MYO1E: variants seen among roughly 807,000 people sequenced by gnomAD.
MYO1E encodes the protein unconventional myosin-Ie.
MYO1E carries 68 observed loss-of-function variants against 151.1 expected under a neutral mutation model. The ratio of observed to expected loss-of-function variants is 0.45; its 90% CI spans 0.37 to 0.55. The LOEUF (loss-of-function observed/expected upper bound fraction) is 0.55. Ranked by LOEUF, MYO1E falls within the 20% of genes least tolerant of loss-of-function variation. The pLI is 0.00. For missense variants in MYO1E, 1,363 were observed against 1,389.3 expected (o/e 0.98, Z 0.30); for synonymous variants, 601 against 501.7 (o/e 1.20, Z -2.64).
intron 9 of MYO1E, chr15:59,218,375 C>T (rs1323165463): frequency 1.8e-6 from 1 of 544,448 alleles, no homozygotes; most frequent in Non-Finnish European, 3.5e-6. Flanking sequence ...AAACCTATCC[C>T]TCCTACTGAG....
intron 26 of MYO1E, among the ~76,000 whole-genome samples, chr15:59,151,049 A>ACACACG (rs375186279): frequency 7.7e-6 from 1 of 129,558 alleles, no homozygotes; most frequent in African/African-American, 2.9e-5. Flanking sequence ...ACACACACAC[A>ACACACG]CGCGCGCGCG....
intron 23 of MYO1E, among the ~76,000 whole-genome samples, chr15:59,162,596 A>G (rs1476364153): frequency 6.6e-6 from 1 of 151,234 alleles, no homozygotes; most frequent in African/African-American, 2.4e-5. Flanking sequence ...CAGTGAGCCA[A>G]GGTCGCACCA....
At chr15:59,297,043 A>T (rs79329545) in intron 1 of MYO1E, among the ~76,000 whole-genome samples, 1 of 64,408 alleles carries the variant, frequency 1.6e-5, no homozygotes, top group Non-Finnish European at 3.4e-5. Context: ...TTGTAGAGAC[A>T]GAGTTTCACT....
chr15:59,229,114 A>C (rs2080010142), intron 6 of MYO1E, among the ~76,000 whole-genome samples: 1 of 152,200 alleles, frequency 6.6e-6, no homozygotes, highest in Non-Finnish European at 1.5e-5. Context: ...GATAGAGGGA[A>C]TACTTCAGTG....
intron 26 of MYO1E, among the ~76,000 whole-genome samples, chr15:59,147,626 AAAAG>A (rs1321645396): frequency 1.3e-5 from 2 of 150,122 alleles, no homozygotes; most frequent in African/African-American, 2.4e-5. Flanking sequence ...CAATACAAAA[AAAAG>A]AAAGGAAGAG....
At chr15:59,156,162 A>G (rs947253593) in intron 25 of MYO1E, among the ~76,000 whole-genome samples, 2 of 152,046 alleles carry the variant, frequency 1.3e-5, no homozygotes, top group Admixed American at 1.3e-4. Flanking sequence ...ATGTCCAGCT[A>G]ATTTTTATTT....
chr15:59,150,515 A>T (rs1286320447), intron 26 of MYO1E, among the ~76,000 whole-genome samples: 5 of 152,254 alleles, frequency 3.3e-5, no homozygotes, highest in Non-Finnish European at 5.9e-5. Flanking sequence ...GGCAGCTAGC[A>T]CACAGAGCTA....
chr15:59,247,257 G>A (rs1167166705), intron 4 of MYO1E, among the ~76,000 whole-genome samples: 2 of 152,154 alleles, frequency 1.3e-5, no homozygotes, highest in Non-Finnish European at 2.9e-5. Flanking sequence ...TTAATCCTAG[G>A]AGCTCAAGTC....
chr15:59,309,978 T>C (rs973448607), intron 1 of MYO1E, among the ~76,000 whole-genome samples: 1 of 152,094 alleles, frequency 6.6e-6, no homozygotes, highest in African/African-American at 2.4e-5. Context: ...CCTCGACTAC[T>C]CCCCTTTCCT....
At chr15:59,309,385 T>C (rs1339278337) in intron 1 of MYO1E, among the ~76,000 whole-genome samples, 1 of 152,146 alleles carries the variant, frequency 6.6e-6, no homozygotes, top group African/African-American at 2.4e-5. Flanking sequence ...CAAACAGGAC[T>C]TGAATTTTCT....
At chr15:59,358,049 A>G (rs1447499821) in intron 1 of MYO1E, among the ~76,000 whole-genome samples, 1 of 152,200 alleles carries the variant, frequency 6.6e-6, no homozygotes, top group Non-Finnish European at 1.5e-5. Flanking sequence ...TGACACTTAA[A>G]TACAACTGCT....
intron 1 of MYO1E, among the ~76,000 whole-genome samples, chr15:59,290,568 A>C (rs1008888250): frequency 5.3e-5 from 8 of 152,226 alleles, no homozygotes; most frequent in Admixed American, 3.3e-4. Context: ...CCTGGTGTTC[A>C]GTAACAGCGG....
intron 24 of MYO1E, among the ~76,000 whole-genome samples, chr15:59,160,336 CGTGTGTGTGTGTGT>C (rs55633634): frequency 8.4e-4 from 101 of 120,146 alleles, no homozygotes; most frequent in African/African-American, 1.6e-3. Context: ...TGAGGTAGTG[CGTGTGTGTGTGTGT>C]GTGTGTGTGT....
chr15:59,366,665 G>A (rs1185110521), intron 1 of MYO1E, among the ~76,000 whole-genome samples: 1 of 151,984 alleles, frequency 6.6e-6, no homozygotes, highest in African/African-American at 2.4e-5. Flanking sequence ...ACTATGTTAG[G>A]GCTGGCTTTT....
In MYO1E at chr15:59,132,482, C is replaced by T. The variant is rs1382234293; in HGVS notation, c.*4898G>A. ...CTTAGTTAAATATTAAATGTCCTGA[C>T]TTAGGAAATTCTTCCAGGATGTCAT... On this transcript the variant is annotated 3_prime_UTR_variant, in exon 28 of 28. Transcript: ENST00000288235. The T allele has an allele frequency of 6.6e-6, 1 of 152,130 alleles. No homozygotes were observed. Among genetic ancestry groups the T allele is most frequent in the Non-Finnish European group, 1.5e-5 (1 of 68,034 alleles). The allele number at this position is 152,130 out of a possible 1,614,324, so 9.4% of individuals were successfully genotyped here. A position where few individuals can be genotyped will look rare whatever the true frequency, so the allele number is the denominator to read the frequency against.
chr15:59,204,822 C>T (rs7169859), intron 15 of MYO1E, among the ~76,000 whole-genome samples: 60,623 of 152,066 alleles, frequency 0.4, 12,664 homozygotes, highest in East Asian at 0.63. Context: ...AAAAATTCAA[C>T]GACCATGAAG....
Position 59,372,736 on chromosome 15 carries a change from G to A in MYO1E, c.-236C>T, listed in dbSNP as rs2080956005. On this transcript the variant is annotated 5_prime_UTR_variant, in exon 1 of 28. Transcript: ENST00000288235. Reference sequence around the variant, plus strand: ...CTTAGCAGGCGGGGCGCATGCTGCGGAGGGCAAGAGTCCACTCGTACTCGC... The same window carrying A: ...CTTAGCAGGCGGGGCGCATGCTGCGAAGGGCAAGAGTCCACTCGTACTCGC... 1 of 569,254 alleles carries A rather than the reference G, an allele frequency of 1.8e-6. No individual in the cohort carries two copies. The highest frequency in any genetic ancestry group is 3.2e-5 in the Admixed American group (1 of 30,986). The allele number at this position is 569,254 out of a possible 1,614,324, so 35.3% of individuals were successfully genotyped here.
intron 4 of MYO1E, 72 bp from the exon 5 acceptor site, chr15:59,236,744 C>G: frequency 7.6e-7 from 1 of 1,321,304 alleles, no homozygotes; most frequent in Admixed American, 1.7e-5. Context: ...TCTCCCCCAT[C>G]ACACAAAACA....
At chr15:59,275,776 A>G (rs2080314757) in intron 1 of MYO1E, among the ~76,000 whole-genome samples, 2 of 152,234 alleles carry the variant, frequency 1.3e-5, no homozygotes, top group African/African-American at 4.8e-5. Context: ...AGAGGGTGAT[A>G]TGGTTATCAG....
Sources: allele counts gnomAD v4.1 joint callset (sites outside exome capture counted in the v4.1 genomes callset), GRCh38; gene constraint gnomAD v4.1.1; transcripts MANE v1.5; gene names NCBI Gene and HGNC (gene_info 2026-07-23, HGNC 2026-07-21).